KLK9: variants seen among roughly 807,000 people sequenced by gnomAD.
The protein encoded by KLK9 is kallikrein related peptidase 9, also known as kallikrein-9.
In KLK9, 26 loss-of-function variants were observed where a neutral mutation model predicts 23.3. The observed-to-expected ratio is 1.12, with a 90% confidence interval of 0.82 to 1.55. KLK9 has a LOEUF of 1.55. Among genes scored for constraint, KLK9 ranks in the 40% most tolerant of loss-of-function variants. The pLI is 0.00. For synonymous variants in KLK9, 122 were observed against 128.5 expected (o/e 0.95, Z 0.34); for missense variants, 346 against 333.7 (o/e 1.04, Z -0.29).
chr19:51,004,167 C>T (rs187682258), intron 3 of KLK9, among the ~76,000 whole-genome samples: 199 of 151,450 alleles, frequency 1.3e-3, no homozygotes, highest in Non-Finnish European at 2.3e-3. Context: ...TGGTGAAACC[C>T]CATCTCTGCT....
rs1421802480 is a variant in KLK9, at chr19:51,006,225, C to T, written c.466+233G>A. Among the ~76,000 whole-genome samples the T allele has an allele frequency of 6.6e-6, 1 of 151,848 alleles. No individual in the cohort carries two copies. Among genetic ancestry groups the T allele is most frequent in the African/African-American group, 2.4e-5 (1 of 41,390 alleles). ...AATGGGATCTAATGGGATCTTTCCT[C>T]CTCCTCCTTTTTTTCTTCTCCTCCT... On this transcript the variant is annotated intron_variant, in intron 3 of 4. Coordinates refer to ENST00000594211, the MANE Select transcript of KLK9 (RefSeq NM_012315.2). This position sits in a 1 kb window ranked among gnomAD's most constrained non-coding sequence, Gnocchi z 4.1.
Position 51,006,371 on chromosome 19 carries a change from G to T in KLK9, c.466+87C>A. The T allele has an allele frequency of 8.0e-7, 1 of 1,247,724 alleles. No homozygotes were observed. 77.3% of individuals were successfully genotyped at this position (1,247,724 alleles called of 1,614,324 possible). ...GATAGACTGACAGAGAGAGAGAGGA[G>T]AGAGAAAAGGAGAAGACAGAGATGA... is the stretch of plus-strand genomic sequence containing the variant. On this transcript the variant is annotated intron_variant, in intron 3 of 4. Coordinates refer to ENST00000594211, the MANE Select transcript of KLK9 (RefSeq NM_012315.2). The surrounding 1 kb of genome is among the most constrained non-coding windows in gnomAD (Gnocchi z 4.1).
chr19:51,006,833 C>T lies in KLK9; in HGVS notation c.201-110G>A. On this transcript the variant is annotated intron_variant, in intron 2 of 4. Transcript: ENST00000594211. This position sits in a 1 kb window ranked among gnomAD's most constrained non-coding sequence, Gnocchi z 4.1. ...GCTGTGTGACCCTCTGCAAGCCACA[C>T]ACCCTCTCTGCACCCTCATCATCTA... is the stretch of plus-strand genomic sequence containing the variant. 1 of 1,190,546 alleles carries T rather than the reference C, an allele frequency of 8.4e-7. No individual in the cohort carries two copies. The highest frequency in any genetic ancestry group is 1.2e-6 in the Non-Finnish European group (1 of 866,984). 73.7% of individuals were successfully genotyped at this position (1,190,546 alleles called of 1,614,324 possible).
At position 51,002,796 on chromosome 19, in the gene KLK9, A is replaced by C; in HGVS notation, c.*315T>G. ...GGGCAAAGTTCCGAGGGGCGGAGCT[A>C]TTTTGTGTAAGTGGTTCCTTGGGGC... On this transcript the variant is annotated 3_prime_UTR_variant, in exon 5 of 5. Coordinates refer to ENST00000594211, the MANE Select transcript of KLK9 (RefSeq NM_012315.2). 1 of 263,844 alleles carries C rather than the reference A, an allele frequency of 3.8e-6. No homozygotes were observed. The highest frequency in any genetic ancestry group is 6.8e-5 in the East Asian group (1 of 14,610). The allele number at this position is 263,844 out of a possible 1,614,324, so 16.3% of individuals were successfully genotyped here.
At chr19:51,008,128 A>G (rs2091262515) in intron 2 of KLK9, among the ~76,000 whole-genome samples, 1 of 150,838 alleles carries the variant, frequency 6.6e-6, no homozygotes, top group Non-Finnish European at 1.5e-5. Flanking sequence ...CAGGAGTTCA[A>G]GACCAGCCTG....
In KLK9 at chr19:51,003,045, AG is replaced by A. The variant is rs2091239986; in HGVS notation, c.*65del. Reference sequence around the variant, plus strand: ...GAACCATTGAGGCTGGGACCCTACGAGAACCCCCTACCCCGTGCCCTTCGGC... The same window carrying A: ...GAACCATTGAGGCTGGGACCCTACGAAACCCCCTACCCCGTGCCCTTCGGC... On this transcript the variant is annotated 3_prime_UTR_variant, in exon 5 of 5. Coordinates refer to ENST00000594211, the MANE Select transcript of KLK9 (RefSeq NM_012315.2). 7 of 1,530,988 alleles carry A rather than the reference AG, an allele frequency of 4.6e-6. No individual in the cohort carries two copies. The South Asian group carries it at 8.9e-5, about 19-fold the overall frequency. 94.8% of individuals were successfully genotyped at this position (1,530,988 alleles called of 1,614,324 possible). A position where few individuals can be genotyped will look rare whatever the true frequency, so the allele number is the denominator to read the frequency against.
rs750531806 is a variant in KLK9, at chr19:51,009,482, G to T, written c.43+23C>A. ...GGTGACCTTAGTACAGCCGTGAAGGGGCAGCCAGCCTGGGAGCCTCACCTG... is the reference window on the plus strand; with the variant it reads ...GGTGACCTTAGTACAGCCGTGAAGGTGCAGCCAGCCTGGGAGCCTCACCTG... On this transcript the variant is annotated intron_variant, in intron 1 of 4. Coordinates refer to ENST00000594211, the MANE Select transcript of KLK9 (RefSeq NM_012315.2). This position sits in a 1 kb window ranked among gnomAD's most constrained non-coding sequence, Gnocchi z 4.8. The T allele has an allele frequency of 6.2e-7, 1 of 1,601,334 alleles. No homozygotes were observed. Among genetic ancestry groups the T allele is most frequent in the African/African-American group, 1.3e-5 (1 of 74,620 alleles).
chr19:51,003,647 C>T (rs2091244126), intron 4 of KLK9, 57 bp downstream of exon 4: 4 of 1,523,312 alleles, frequency 2.6e-6, no homozygotes, highest in Non-Finnish European at 3.6e-6. Flanking sequence ...CCTCTGCTCC[C>T]CTAAATCCTA....
intron 4 of KLK9, 115 bp from the exon 5 acceptor site, chr19:51,003,375 A>G (rs2091242831): frequency 8.7e-7 from 1 of 1,147,060 alleles, no homozygotes; most frequent in Non-Finnish European, 1.2e-6. Context: ...AACATCCGAG[A>G]GTCCTCCATC....
chr19:51,004,476 G>A (rs1233078301), intron 3 of KLK9, among the ~76,000 whole-genome samples: 5 of 150,010 alleles, frequency 3.3e-5, no homozygotes, highest in Admixed American at 6.7e-5. Flanking sequence ...TGAGGCGGGC[G>A]GATCACAAGG....
At chr19:51,008,388 A>C (rs1368311435) in intron 2 of KLK9, among the ~76,000 whole-genome samples, 5 of 151,720 alleles carry the variant, frequency 3.3e-5, no homozygotes, top group African/African-American at 1.2e-4. Flanking sequence ...ATCATTCTAT[A>C]AATCTATAAC....
chr19:51,002,545 G>A lies in KLK9; in HGVS notation c.*566C>T, dbSNP rs11084046. On this transcript the variant is annotated 3_prime_UTR_variant, in exon 5 of 5. Transcript: ENST00000594211. ...TCCCGCGTTTACTGAAAAATCATCC[G>A]TTGCATTGGCTCTAAAGGTATCCAG... The A allele has an allele frequency of 0.067, 10,254 of 152,500 alleles. 393 individuals carry two copies. The highest frequency in any genetic ancestry group is 0.11 in the African/African-American group (4,583 of 41,512). The allele number at this position is 152,500 out of a possible 1,614,324, so 9.4% of individuals were successfully genotyped here. A position where few individuals can be genotyped will look rare whatever the true frequency, so the allele number is the denominator to read the frequency against.
At position 51,003,250 on chromosome 19, in the gene KLK9, C is replaced by A; in HGVS notation, c.614G>T (p.Gly205Val). ...GGRGSCQGDS[G>V]GPLVCNGTLA... is the part of the protein sequence containing the mutation. ...GGTTCCATTGCAAACCAGGGGGCCCCCAGAGTCACCCTGTACGCGAGAGAA... is the reference window on the plus strand; with the variant it reads ...GGTTCCATTGCAAACCAGGGGGCCCACAGAGTCACCCTGTACGCGAGAGAA... Residue 205 changes from glycine to valine, a missense_variant, in exon 5 of 5, where the codon GGG (glycine) becomes GTG (valine). Coordinates refer to ENST00000594211, the MANE Select transcript of KLK9 (RefSeq NM_012315.2). 1 of 1,612,324 alleles carries A rather than the reference C, an allele frequency of 6.2e-7. No homozygotes were observed. Among genetic ancestry groups the A allele is most frequent in the Non-Finnish European group, 8.5e-7 (1 of 1,179,398 alleles).
Position 51,006,598 on chromosome 19 carries a change from T to G in KLK9, c.326A>C (p.Asn109Thr). 1 of 1,613,194 alleles carries G rather than the reference T, an allele frequency of 6.2e-7. No individual in the cohort carries two copies. The highest frequency in any genetic ancestry group is 8.5e-7 in the Non-Finnish European group (1 of 1,179,462). ...FNKDLSANDH[N>T]DDIMLIRLPR... The stretch of plus-strand genomic sequence containing the variant: ...CAGGCGGATCAGCATGATGTCATCA[T>G]TGTGGTCATTGGCGCTGAGGTCCTT... Residue 109 changes from asparagine to threonine, a missense_variant, in exon 3 of 5, where the codon AAT becomes ACT. Transcript: ENST00000594211. This position sits in a 1 kb window ranked among gnomAD's most constrained non-coding sequence, Gnocchi z 4.1.
At chr19:51,004,528 G>A (rs868606049) in intron 3 of KLK9, among the ~76,000 whole-genome samples, 16 of 149,780 alleles carry the variant, frequency 1.1e-4, no homozygotes, top group Non-Finnish European at 1.9e-4. Flanking sequence ...GTGAAACTCC[G>A]TCTCTACTGA....
At position 51,009,116 on chromosome 19, in the gene KLK9, C is replaced by G; in HGVS notation, c.200+67G>C. The G allele has an allele frequency of 6.5e-7, 1 of 1,528,448 alleles. No homozygotes were observed. Among genetic ancestry groups the G allele is most frequent in the Non-Finnish European group, 8.8e-7 (1 of 1,140,768 alleles). The allele number at this position is 1,528,448 out of a possible 1,614,324, so 94.7% of individuals were successfully genotyped here. A position where few individuals can be genotyped will look rare whatever the true frequency, so the allele number is the denominator to read the frequency against. ...GAGGCTCCGCACTTCTGGCCTAAAG[C>G]ACCCCTCACCCTCTCCTGACCCCCA... On this transcript the variant is annotated intron_variant, in intron 2 of 4. Transcript: ENST00000594211. This position sits in a 1 kb window ranked among gnomAD's most constrained non-coding sequence, Gnocchi z 4.8.
chr19:51,003,353 C>T lies in KLK9; in HGVS notation c.604-93G>A, dbSNP rs914816385. ...CCTCCCTCCCAGAAAGGCCCCAGCC[C>T]CTTCCTCCTCCAACATCCGAGAGTC... On this transcript the variant is annotated intron_variant, in intron 4 of 4. Coordinates refer to ENST00000594211, the MANE Select transcript of KLK9 (RefSeq NM_012315.2). 5.3e-6 allele frequency: 7 copies of T among 1,331,386 alleles called. No individual in the cohort carries two copies. In the African/African-American group the frequency reaches 8.8e-5, roughly 17 times the overall value. The allele number at this position is 1,331,386 out of a possible 1,614,324, so 82.5% of individuals were successfully genotyped here.
At position 51,009,093 on chromosome 19, in the gene KLK9, G is replaced by A; in HGVS notation, c.200+90C>T. On this transcript the variant is annotated intron_variant, in intron 2 of 4. Transcript: ENST00000594211. This position sits in a 1 kb window ranked among gnomAD's most constrained non-coding sequence, Gnocchi z 4.8. ...TTGAACTTGTGGTATCAGAAGTGGA[G>A]GCTCCGCACTTCTGGCCTAAAGCAC... 7.1e-7 allele frequency: 1 copy of A among 1,412,180 alleles called. No homozygotes were observed. The allele number at this position is 1,412,180 out of a possible 1,614,324, so 87.5% of individuals were successfully genotyped here.
At chr19:51,003,938 A>G (rs1385164984) in intron 3 of KLK9, 98 bp from the exon 4 acceptor site, 45 of 944,160 alleles carry the variant, frequency 4.8e-5, no homozygotes, top group Middle Eastern at 2.1e-4. Context: ...CAAAGGACCA[A>G]TGGAGCCACA....
Sources: allele counts gnomAD v4.1 joint callset (sites outside exome capture counted in the v4.1 genomes callset), GRCh38; gene constraint gnomAD v4.1.1; non-coding constraint Gnocchi (gnomAD v3.1); transcripts MANE v1.5; gene names NCBI Gene and HGNC (gene_info 2026-07-23, HGNC 2026-07-21).